Variants in CD96 observed in about 807,000 individuals in gnomAD.
CD96 encodes the protein T-cell surface protein tactile.
Under a neutral mutation model 71.3 loss-of-function variants are expected in CD96, and 70 were observed. The ratio of observed to expected loss-of-function variants is 0.98; its 90% CI spans 0.81 to 1.20. The LOEUF (loss-of-function observed/expected upper bound fraction) is 1.20, where lower values mean the gene tolerates loss of function less well. CD96 is among the 50% of genes most tolerant of loss of function. The probability of loss-of-function intolerance (pLI) is 0.00; values close to 1 mark genes in which losing one functional copy is unlikely to be tolerated. For missense variants in CD96, 742 were observed against 677.5 expected (o/e 1.10, Z -1.06); for synonymous variants, 248 against 233.0 (o/e 1.06, Z -0.59).
chr3:111,600,924 C>G lies in CD96; in HGVS notation c.1087+10C>G, dbSNP rs1203305765. 2.6e-6 allele frequency: 4 copies of G among 1,554,324 alleles called. No individual in the cohort carries two copies. The East Asian group carries it at 6.7e-5, about 26-fold the overall frequency. The stretch of plus-strand genomic sequence containing the variant: ...ATCACTTTTCTCTTAGGTGAGTTGT[C>G]TATTTAATAAGATCAACAAGAGTTT... On this transcript the variant is annotated intron_variant, in intron 7 of 13. Coordinates refer to ENST00000352690, the MANE Select transcript of CD96 (RefSeq NM_005816.5).
At chr3:111,542,701 C>G (rs929163345) in intron 1 of CD96, among the ~76,000 whole-genome samples, 2 of 152,192 alleles carry the variant, frequency 1.3e-5, no homozygotes, top group Non-Finnish European at 2.9e-5. Flanking sequence ...CCTTGTTTAA[C>G]TTTTTTCTCT....
intron 4 of CD96, among the ~76,000 whole-genome samples, chr3:111,580,000 G>A (rs536744967): frequency 1.8e-4 from 28 of 152,284 alleles, no homozygotes; most frequent in African/African-American, 6.5e-4. Context: ...TTGTTTAGTT[G>A]TCTAATTGTC....
intron 1 of CD96, among the ~76,000 whole-genome samples, chr3:111,544,454 C>T (rs916047226): frequency 1.3e-5 from 2 of 152,036 alleles, no homozygotes; most frequent in Admixed American, 1.3e-4. Flanking sequence ...GGAGGTGTGA[C>T]TTTGAGCATA....
chr3:111,555,543 CT>C, intron 2 of CD96, among the ~76,000 whole-genome samples: 1 of 152,414 alleles, frequency 6.6e-6, no homozygotes, highest in Non-Finnish European at 1.5e-5. Flanking sequence ...GCCATTATTT[CT>C]GATTAAAATG....
Position 111,627,050 on chromosome 3 carries a change from G to A in CD96, c.1321+2646G>A, listed in dbSNP as rs374332770. On this transcript the variant is annotated intron_variant, in intron 10 of 13. Transcript: ENST00000352690. The stretch of plus-strand genomic sequence containing the variant: ...GAGTAGGAGTGAGAGGGTATTAAGA[G>A]GGTGAAAAATATGTTCAGTAATAAG... 3.3e-5 allele frequency among the ~76,000 whole-genome samples: 5 copies of A among 152,288 alleles called. No individual in the cohort carries two copies. The East Asian group carries it at 9.7e-4, about 29-fold the overall frequency.
intron 5 of CD96, chr3:111,594,935 A>G (rs746588124): frequency 6.0e-6 from 1 of 167,202 alleles, no homozygotes; most frequent in African/African-American, 2.4e-5. Flanking sequence ...TCCAAAAAGC[A>G]AGCTCAGCTG....
Position 111,559,164 on chromosome 3 carries a change from G to T in CD96, c.419-8359G>T, listed in dbSNP as rs1935248406. Among the ~76,000 whole-genome samples the T allele has an allele frequency of 2.7e-5, 4 of 150,152 alleles. No individual in the cohort carries two copies. In the South Asian group the frequency reaches 8.7e-4, roughly 33 times the overall value. ...TGATCCTTTCAAAAAACCAGCTCCTGGATTCATTGATTTTTTGAATGGTTT... is the reference window on the plus strand; with the variant it reads ...TGATCCTTTCAAAAAACCAGCTCCTTGATTCATTGATTTTTTGAATGGTTT... On this transcript the variant is annotated intron_variant, in intron 2 of 13. Transcript: ENST00000352690.
At chr3:111,659,582 T>A (rs1265219385) in intron 14 of CD96, among the ~76,000 whole-genome samples, 1 of 152,202 alleles carries the variant, frequency 6.6e-6, no homozygotes, top group Non-Finnish European at 1.5e-5. Flanking sequence ...CAAGGAATTT[T>A]TTTATTTTAC....
chr3:111,591,547 T>A (rs1027319276), intron 5 of CD96, among the ~76,000 whole-genome samples: 1 of 152,142 alleles, frequency 6.6e-6, no homozygotes, highest in Non-Finnish European at 1.5e-5. Context: ...TCCAAAAATA[T>A]GTGTTTTGGT....
intron 4 of CD96, among the ~76,000 whole-genome samples, chr3:111,580,124 A>C (rs1936399475): frequency 6.6e-6 from 1 of 152,210 alleles, no homozygotes; most frequent in Admixed American, 6.5e-5. Flanking sequence ...GCCAAGGCCC[A>C]GCTGGGGTGA....
rs1210187904 is a variant in CD96 at position 111,650,903 on chromosome 3, G to GA, written c.*1102dup. 6.6e-6 allele frequency: 1 copy of GA among 152,218 alleles called. No individual in the cohort carries two copies. The highest frequency in any genetic ancestry group is 2.4e-5 in the African/African-American group (1 of 41,454). The allele number at this position is 152,218 out of a possible 1,614,324, so 9.4% of individuals were successfully genotyped here. A position where few individuals can be genotyped will look rare whatever the true frequency, so the allele number is the denominator to read the frequency against. ...TTCCCACACTCCCTGCTCCAGGAGG[G>GA]AAAAACAGATGTTGTTGACAGATAG... On this transcript the variant is annotated 3_prime_UTR_variant, in exon 14 of 14. Transcript: ENST00000352690.
At chr3:111,645,065 T>A (rs1443703910) in intron 12 of CD96, among the ~76,000 whole-genome samples, 3 of 152,174 alleles carry the variant, frequency 2.0e-5, no homozygotes, top group Non-Finnish European at 4.4e-5. Context: ...TGCACATGTA[T>A]GTTTATAGCA....
chr3:111,616,157 C>T (rs950891898), intron 8 of CD96, among the ~76,000 whole-genome samples: 1 of 149,016 alleles, frequency 6.7e-6, no homozygotes, highest in Non-Finnish European at 1.5e-5. Context: ...CTCCTCTCCA[C>T]ACATAAAAAA....
At chr3:111,624,914 T>C (rs927103102) in intron 10 of CD96, among the ~76,000 whole-genome samples, 2 of 152,252 alleles carry the variant, frequency 1.3e-5, no homozygotes, top group African/African-American at 4.8e-5. Flanking sequence ...CTGTAAGTGC[T>C]GCTTTAGCAG....
chr3:111,656,021 AT>A (rs540142863), downstream of CD96, among the ~76,000 whole-genome samples: 134 of 152,118 alleles, frequency 8.8e-4, no homozygotes, highest in African/African-American at 3.2e-3. Context: ...AAGAATAAAA[AT>A]ATTCATGAGA....
intron 7 of CD96, among the ~76,000 whole-genome samples, chr3:111,603,036 C>T (rs1937531512): frequency 6.6e-6 from 1 of 152,098 alleles, no homozygotes; most frequent in Non-Finnish European, 1.5e-5. Flanking sequence ...TCAGACAGGG[C>T]ATGGGATTAG....
intron 2 of CD96, among the ~76,000 whole-genome samples, chr3:111,553,459 A>G (rs1182998820): frequency 7.5e-6 from 1 of 133,996 alleles, no homozygotes; most frequent in East Asian, 2.1e-4. Flanking sequence ...TGGCAAGACT[A>G]CGTGATAGAT....
downstream of CD96, among the ~76,000 whole-genome samples, chr3:111,654,943 C>T (rs1197007708): frequency 2.0e-5 from 3 of 152,224 alleles, no homozygotes; most frequent in African/African-American, 7.2e-5. Context: ...GACCTCATAT[C>T]CTGAGAGCCA....
At chr3:111,601,011 T>G in intron 7 of CD96, 97 bp downstream of exon 7, 2 of 800,666 alleles carry the variant, frequency 2.5e-6, no homozygotes, top group African/African-American at 3.5e-5. Context: ...CATAACGTTT[T>G]AATCTCAGAA....
Sources: allele counts gnomAD v4.1 joint callset (sites outside exome capture counted in the v4.1 genomes callset), GRCh38; gene constraint gnomAD v4.1.1; transcripts MANE v1.5; gene names NCBI Gene and HGNC (gene_info 2026-07-23, HGNC 2026-07-21).